Variants in UBE2O observed in about 807,000 individuals in gnomAD.
The protein encoded by UBE2O is (E3-independent) E2 ubiquitin-conjugating enzyme.
In UBE2O, 15 loss-of-function variants were observed where a neutral mutation model predicts 125.8. The observed-to-expected ratio is 0.12, with a 90% confidence interval of 0.08 to 0.18. UBE2O has a LOEUF of 0.18. Among genes scored for constraint, UBE2O ranks in the 10% least tolerant of loss-of-function variants. UBE2O has a pLI of 1.00. For synonymous variants in UBE2O, 708 were observed against 703.2 expected, an observed-to-expected ratio of 1.01 and a Z score of -0.11; for missense variants, 1,280 against 1,723.6, an observed-to-expected ratio of 0.74 and a Z score of 4.56.
At chr17:76,443,914 G>A (rs1420951923) in intron 1 of UBE2O, among the ~76,000 whole-genome samples, 9 of 152,184 alleles carry the variant, frequency 5.9e-5, no homozygotes. Flanking sequence ...CCCAAGGAAG[G>A]AAATACCGTT....
At chr17:76,420,794 G>A (rs946051246) in intron 1 of UBE2O, among the ~76,000 whole-genome samples, 1 of 152,082 alleles carries the variant, frequency 6.6e-6, no homozygotes, top group Admixed American at 6.6e-5. Context: ...ATTCAAAATC[G>A]GCCTGCCACA....
rs1479658882 is a variant in UBE2O at position 76,401,102 on chromosome 17, C to A, written c.803G>T (p.Gly268Val). ...GACGCTGGAGAAGATCTTGGCAGGG[C>A]CAATGAGCACCTGGCCTGGGTAGAA... ...YGFYPGQVLI[G>V]PAKIFSSVQW... is the part of the protein sequence containing the mutation. The change falls in exon 6 of 18, where the codon GGC becomes GTC. Residue 268 changes from glycine to valine, a missense_variant. Physicochemically the swap from Gly to Val is moderately radical, Grantham distance 109 (BLOSUM62 -3). Around this residue, in one of 10 missense-constraint regions of UBE2O, gnomAD observed 206 missense variants for 315.7 expected, o/e 0.65. Coordinates refer to ENST00000319380, the MANE Select transcript of UBE2O (RefSeq NM_022066.4). 1 of 1,613,846 alleles carries A rather than the reference C, an allele frequency of 6.2e-7. No individual in the cohort carries two copies. Among genetic ancestry groups the A allele is most frequent in the Admixed American group, 1.7e-5 (1 of 60,024 alleles).
chr17:76,395,686 C>G lies in UBE2O; in HGVS notation c.2946+39G>C. ...TGGCCTCTTGGGCACTGGGTGCCCACACAGCACATCTGCACCTGCCCATGC... is the reference window on the plus strand; with the variant it reads ...TGGCCTCTTGGGCACTGGGTGCCCAGACAGCACATCTGCACCTGCCCATGC... On this transcript the variant is annotated intron_variant, in intron 15 of 17. Transcript: ENST00000319380. This position sits in a 1 kb window ranked among gnomAD's most constrained non-coding sequence, Gnocchi z 5.0. 1.3e-6 allele frequency: 2 copies of G among 1,589,038 alleles called. No individual in the cohort carries two copies. Among genetic ancestry groups the G allele is most frequent in the Non-Finnish European group, 1.7e-6 (2 of 1,168,012 alleles).
chr17:76,415,518 C>T (rs1007657074), intron 1 of UBE2O, among the ~76,000 whole-genome samples: 9 of 152,144 alleles, frequency 5.9e-5, no homozygotes, highest in Admixed American at 4.6e-4. Flanking sequence ...TCAAGTGTGG[C>T]CCTGGGCCTG....
rs887079483 is a variant in UBE2O, at chr17:76,453,092, G to A, written c.50C>T (p.Ala17Val). ...PTPAAPAPAQ[A>V]PAPAPEAVPA... ...GACTGCCTCCGGGGCTGGAGCCGGG[G>A]CCTGGGCTGGAGCGGGAGCTGCGGG... The change falls in exon 1 of 18, where the codon GCC (alanine) becomes GTC (valine). Residue 17 changes from alanine (A) to valine (V), a missense_variant. Physicochemically the swap from Ala to Val is moderately conservative, Grantham distance 64. This residue lies in a region of UBE2O where 188 missense variants were observed against 192.5 expected (regional missense o/e 0.98). Coordinates refer to ENST00000319380, the MANE Select transcript of UBE2O (RefSeq NM_022066.4). 2 of 1,060,746 alleles carry A rather than the reference G, an allele frequency of 1.9e-6. No individual in the cohort carries two copies. Among genetic ancestry groups the A allele is most frequent in the African/African-American group, 1.7e-5 (1 of 59,560 alleles). 65.7% of individuals were successfully genotyped at this position (1,060,746 alleles called of 1,614,324 possible).
At chr17:76,441,020 G>C (rs2073069738) in intron 1 of UBE2O, among the ~76,000 whole-genome samples, 1 of 152,164 alleles carries the variant, frequency 6.6e-6, no homozygotes, top group South Asian at 2.1e-4. Context: ...GCACAAACTG[G>C]CCTAAGTTTG....
chr17:76,452,204 G>A lies in UBE2O; in HGVS notation c.417+521C>T, dbSNP rs183298190. ...GCAGGGTAAAACAAAAAGAGGCTGGGTGGCTTCACCATAATGCAGCCTGTA... is the reference window on the plus strand; with the variant it reads ...GCAGGGTAAAACAAAAAGAGGCTGGATGGCTTCACCATAATGCAGCCTGTA... On this transcript the variant is annotated intron_variant, in intron 1 of 17. Coordinates refer to ENST00000319380, the MANE Select transcript of UBE2O (RefSeq NM_022066.4). This position sits in a 1 kb window ranked among gnomAD's most constrained non-coding sequence, Gnocchi z 4.4. 6.6e-6 allele frequency among the ~76,000 whole-genome samples: 1 copy of A among 152,302 alleles called. No homozygotes were observed. The highest frequency in any genetic ancestry group is 1.9e-4 in the East Asian group (1 of 5,180).
chr17:76,442,873 C>T (rs750647778), intron 1 of UBE2O, among the ~76,000 whole-genome samples: 3 of 152,036 alleles, frequency 2.0e-5, no homozygotes, highest in Admixed American at 6.5e-5. Context: ...ACAGTGCAGG[C>T]ATGAGGCAAG....
At chr17:76,440,761 A>T (rs977016357) in intron 1 of UBE2O, among the ~76,000 whole-genome samples, 2 of 152,268 alleles carry the variant, frequency 1.3e-5, no homozygotes, top group African/African-American at 2.4e-5. Context: ...TTATTGGAAC[A>T]TGACCATGCC....
In UBE2O at chr17:76,405,212, G is replaced by T. The variant is rs777119817; in HGVS notation, c.582C>A (p.His194Gln). The change falls in exon 3 of 18, where the codon CAC (histidine) becomes CAA (glutamine). Residue 194 changes from histidine to glutamine, a missense_variant. By Grantham distance (24) the His-to-Gln change is conservative. Around this residue, in one of 10 missense-constraint regions of UBE2O, gnomAD observed 206 missense variants for 315.7 expected, o/e 0.65. Transcript: ENST00000319380. This position sits in a 1 kb window ranked among gnomAD's most constrained non-coding sequence, Gnocchi z 6.1. Reference protein sequence around the residue: ...IYPVNSKDLQHIWPFMYGDYI... With the variant: ...IYPVNSKDLQQIWPFMYGDYI... ...GAAGACAGGGCCGGCTCACCCAGAT[G>T]TGCTGCAGGTCCTTGCTGTTGACGG... is the stretch of plus-strand genomic sequence containing the variant. 6.2e-7 allele frequency: 1 copy of T among 1,608,898 alleles called. No individual in the cohort carries two copies. Among genetic ancestry groups the T allele is most frequent in the Non-Finnish European group, 8.5e-7 (1 of 1,176,566 alleles).
At chr17:76,425,951 A>G (rs977955934) in intron 1 of UBE2O, among the ~76,000 whole-genome samples, 1 of 152,140 alleles carries the variant, frequency 6.6e-6, no homozygotes, top group Admixed American at 6.6e-5. Flanking sequence ...TTGGTGAAGA[A>G]CAACTCCTTC....
intron 1 of UBE2O, among the ~76,000 whole-genome samples, chr17:76,416,906 A>C (rs2072626277): frequency 6.6e-6 from 1 of 152,196 alleles, no homozygotes; most frequent in Non-Finnish European, 1.5e-5. Flanking sequence ...CCAATTCTGC[A>C]GGTGCAGTGA....
At position 76,398,297 on chromosome 17, in the gene UBE2O, G is replaced by A; in HGVS notation, c.1983C>T (p.Arg661=). 6.2e-7 allele frequency: 1 copy of A among 1,614,228 alleles called. No homozygotes were observed. ...FRFRTTDIVI[R]IGNTEDGAPH... ...GAGCCCCATCCTCAGTATTGCCGAT[G>A]CGGATGACGATGTCAGTTGTACGGA... is the stretch of plus-strand genomic sequence containing the variant. The change falls in exon 12 of 18, where the codon CGC becomes CGT. Residue 661 remains arginine, a synonymous_variant. Transcript: ENST00000319380. This position sits in a 1 kb window ranked among gnomAD's most constrained non-coding sequence, Gnocchi z 5.4.
At chr17:76,449,843 C>T (rs1174213697) in intron 1 of UBE2O, among the ~76,000 whole-genome samples, 9 of 152,128 alleles carry the variant, frequency 5.9e-5, no homozygotes, top group Non-Finnish European at 1.3e-4. Flanking sequence ...TCGCTTGAAC[C>T]CGGGAGGCAG....
chr17:76,415,073 G>A (rs928901670), intron 1 of UBE2O, among the ~76,000 whole-genome samples: 1 of 152,216 alleles, frequency 6.6e-6, no homozygotes, highest in Non-Finnish European at 1.5e-5. Context: ...GCCCCGGACT[G>A]CTCCATTTCA....
At chr17:76,423,242 G>A (rs1273075486) in intron 1 of UBE2O, among the ~76,000 whole-genome samples, 2 of 152,154 alleles carry the variant, frequency 1.3e-5, no homozygotes, top group Non-Finnish European at 2.9e-5. Context: ...AGCTGGGCAC[G>A]GTGGTACGCA....
At chr17:76,446,474 CCAAA>C (rs768069117) in intron 1 of UBE2O, among the ~76,000 whole-genome samples, 10 of 150,814 alleles carry the variant, frequency 6.6e-5, no homozygotes, top group Admixed American at 1.3e-4. Context: ...AAAAAAAAAA[CCAAA>C]CAAACAAAAC....
chr17:76,396,458 T>C lies in UBE2O; in HGVS notation c.2479A>G (p.Met827Val). ...CCCGTCAGCAGCTGCTCCACAGTCATGTTCTTGAGGCTCTCCAGGATCTTG... is the reference window on the plus strand; with the variant it reads ...CCCGTCAGCAGCTGCTCCACAGTCACGTTCTTGAGGCTCTCCAGGATCTTG... ...AIKILESLKN[M>V]TVEQLLTGSP... Residue 827 changes from methionine (M) to valine (V), a missense_variant, in exon 14 of 18, where the codon ATG becomes GTG. Physicochemically the swap from Met to Val is conservative, Grantham distance 21. This residue lies in a region of UBE2O where 210 missense variants were observed against 268.9 expected (regional missense o/e 0.78). Transcript: ENST00000319380. This position sits in a 1 kb window ranked among gnomAD's most constrained non-coding sequence, Gnocchi z 6.7. 2.5e-6 allele frequency: 4 copies of C among 1,614,124 alleles called. No individual in the cohort carries two copies. Among genetic ancestry groups the C allele is most frequent in the Non-Finnish European group, 3.4e-6 (4 of 1,180,006 alleles).
chr17:76,426,803 A>T (rs1197867077), intron 1 of UBE2O, among the ~76,000 whole-genome samples: 1 of 152,204 alleles, frequency 6.6e-6, no homozygotes, highest in African/African-American at 2.4e-5. Flanking sequence ...ATGCTTATTC[A>T]GATTTACCTG....
Sources: gnomAD v4.1 joint callset for allele counts (sites outside exome capture counted in the v4.1 genomes callset) on GRCh38, gnomAD v4.1.1 for gene constraint, gnomAD v4.1.1 regional missense constraint, Gnocchi (gnomAD v3.1) non-coding constraint, MANE v1.5 for transcripts, NCBI Gene and HGNC (gene_info 2026-07-23, HGNC 2026-07-21) for gene names.